The following JMJD7 variants were observed in gnomAD, a reference collection of about 807,000 sequenced individuals.
JMJD7 encodes jumonji domain containing 7.
A neutral mutation model predicts 41.1 loss-of-function variants in JMJD7; 41 were observed. That is an observed-to-expected ratio of 1.00 (90% CI 0.78 to 1.30). The LOEUF (loss-of-function observed/expected upper bound fraction) is 1.30, where lower values mean the gene tolerates loss of function less well. JMJD7 is among the 50% of genes most tolerant of loss of function. JMJD7 has a pLI of 0.00. For missense variants in JMJD7, 480 were observed against 420.7 expected, an observed-to-expected ratio of 1.14 and a Z score of -1.23; for synonymous variants, 202 against 177.2, an observed-to-expected ratio of 1.14 and a Z score of -1.11.
chr15:41,833,438 T>TTTTTTTTA (rs2065263483), intron 1 of JMJD7, among the ~76,000 whole-genome samples: 1 of 106,408 alleles, frequency 9.4e-6, no homozygotes, highest in Admixed American at 1.0e-4. Flanking sequence ...TTTTTTTTTT[T>TTTTTTTTA]GAGATAAAGT....
chr15:41,832,895 T>A (rs1285815714), intron 1 of JMJD7, among the ~76,000 whole-genome samples: 2 of 152,082 alleles, frequency 1.3e-5, no homozygotes, highest in Admixed American at 6.6e-5. Context: ...CCCTGTACAC[T>A]TTATAAAAAC....
chr15:41,833,389 A>AATATAT (rs1567164757), intron 1 of JMJD7, among the ~76,000 whole-genome samples: 11 of 103,516 alleles, frequency 1.1e-4, no homozygotes, highest in African/African-American at 3.7e-4. Flanking sequence ...ATGTAGGTGA[A>AATATAT]ATACATATAT....
intron 7 of JMJD7, 43 bp from the exon 8 acceptor site, chr15:41,837,025 C>T: frequency 6.2e-7 from 1 of 1,608,418 alleles, no homozygotes; most frequent in Non-Finnish European, 8.5e-7. Flanking sequence ...GGCTCTAGGT[C>T]AGAAGAGGGA....
chr15:41,829,340 C>G (rs28680296), intron 1 of JMJD7: 41,909 of 152,212 alleles, frequency 0.28, 6,807 homozygotes, highest in Admixed American at 0.36. Context: ...GAGACAGGGT[C>G]TTACTCTGTC....
chr15:41,835,900 G>T (rs1376592548), intron 4 of JMJD7: 4 of 564,658 alleles, frequency 7.1e-6, no homozygotes, highest in East Asian at 3.1e-5. Context: ...GCTGGGCCAG[G>T]GGGTAAGTGT....
intron 1 of JMJD7, 107 bp from the exon 2 acceptor site, chr15:41,834,633 A>G: frequency 6.7e-7 from 1 of 1,499,568 alleles, no homozygotes; most frequent in African/African-American, 1.4e-5. Flanking sequence ...ACCAACGAGC[A>G]TTTCCCAGTG....
At chr15:41,829,921 A>G (rs935708012) in intron 1 of JMJD7, among the ~76,000 whole-genome samples, 17 of 152,318 alleles carry the variant, frequency 1.1e-4, no homozygotes, top group African/African-American at 3.6e-4. Context: ...ATGTGCCTGT[A>G]GTCCCACCTC....
In JMJD7 at chr15:41,836,214, C is replaced by A. The variant is rs151103927; in HGVS notation, c.596C>A (p.Pro199Gln). 2 of 1,612,966 alleles carry A rather than the reference C, an allele frequency of 1.2e-6. No individual in the cohort carries two copies. The highest frequency in any genetic ancestry group is 2.7e-5 in the African/African-American group (2 of 75,002). Residue 199 changes from proline (P) to glutamine (Q), a missense_variant, in exon 5 of 8, where the codon CCG becomes CAG. Physicochemically the swap from Pro to Gln is moderately conservative, Grantham distance 76. Transcript: ENST00000397299. ...GGAGAGAAGCATTTCCTGTTCCATC[C>A]GCCCAGCGACCGGCCCTTCATCCCC... ...VSGEKHFLFH[P>Q]PSDRPFIPYE...
chr15:41,828,101 G>A lies in JMJD7; in HGVS notation c.-24G>A, dbSNP rs200382645. 154 of 1,427,940 alleles carry A rather than the reference G, an allele frequency of 1.1e-4. No individual in the cohort carries two copies. The African/African-American group carries it at 2.0e-3, about 19-fold the overall frequency. The allele number at this position is 1,427,940 out of a possible 1,614,324, so 88.5% of individuals were successfully genotyped here. A position where few individuals can be genotyped will look rare whatever the true frequency, so the allele number is the denominator to read the frequency against. The stretch of plus-strand genomic sequence containing the variant: ...CGGCGGGGCGTCGGGGAAAGGCGGG[G>A]TCTCGGCCGGCGCTGACGCAGCCAT... On this transcript the variant is annotated 5_prime_UTR_variant, in exon 1 of 8. Coordinates refer to ENST00000397299, the MANE Select transcript of JMJD7 (RefSeq NM_001114632.2).
chr15:41,835,446 G>T, intron 3 of JMJD7, 142 bp from the exon 4 acceptor site: 1 of 1,374,540 alleles, frequency 7.3e-7, no homozygotes, highest in South Asian at 1.4e-5. Context: ...CCTTCCCCAA[G>T]ATTTCCCAAC....
rs1270077121 is a variant in JMJD7 at position 41,834,966 on chromosome 15, C to G, written c.219-4C>G. The G allele has an allele frequency of 1.9e-6, 3 of 1,614,014 alleles. No homozygotes were observed. The highest frequency in any genetic ancestry group is 2.7e-5 in the African/African-American group (2 of 74,948). On this transcript the variant is annotated splice_region_variant and splice_polypyrimidine_tract_variant and intron_variant, in intron 2 of 7. Coordinates refer to ENST00000397299, the MANE Select transcript of JMJD7 (RefSeq NM_001114632.2). ...GGGCATGGGCTGAGTGTCCATTCCT[C>G]TAGAGCCACAGTGGGCTCCACAGAG...
chr15:41,835,338 C>G lies in JMJD7; in HGVS notation c.472+115C>G. The stretch of plus-strand genomic sequence containing the variant: ...CCTATGGGCTTGGTCCTGTCAGCAT[C>G]TGGTGCAGCTCACTAAATACATTCC... On this transcript the variant is annotated intron_variant, in intron 3 of 7. Coordinates refer to ENST00000397299, the MANE Select transcript of JMJD7 (RefSeq NM_001114632.2). 8 of 1,428,916 alleles carry G rather than the reference C, an allele frequency of 5.6e-6. No individual in the cohort carries two copies. The South Asian group carries it at 9.7e-5, about 17-fold the overall frequency. 88.5% of individuals were successfully genotyped at this position (1,428,916 alleles called of 1,614,324 possible). A position where few individuals can be genotyped will look rare whatever the true frequency, so the allele number is the denominator to read the frequency against.
At chr15:41,828,358 G>A in intron 1 of JMJD7, 170 bp downstream of exon 1, 1 of 773,814 alleles carries the variant, frequency 1.3e-6, no homozygotes, top group Non-Finnish European at 1.8e-6. Context: ...GCGCTCCCGC[G>A]GCTTCCTGGG....
rs780255827 is a variant in JMJD7 at position 41,836,369 on chromosome 15, G to T, written c.626-106G>T. 9 of 1,553,502 alleles carry T rather than the reference G, an allele frequency of 5.8e-6. No individual in the cohort carries two copies. The South Asian group carries it at 1.0e-4, about 18-fold the overall frequency. On this transcript the variant is annotated intron_variant, in intron 5 of 7. Transcript: ENST00000397299. ...GCTGTGGCATCCCCAGTGCACCAGG[G>T]CCCCTGATCCCCTTGCCCCTGCCCA...
intron 1 of JMJD7, chr15:41,832,321 A>G (rs565404315): frequency 1.1e-5 from 2 of 180,034 alleles, no homozygotes; most frequent in Admixed American, 1.2e-4. Flanking sequence ...AAACAGGCAA[A>G]GGCATCACTG....
chr15:41,830,687 C>G (rs1000880083), intron 1 of JMJD7, among the ~76,000 whole-genome samples: 1 of 152,232 alleles, frequency 6.6e-6, no homozygotes, highest in Non-Finnish European at 1.5e-5. Context: ...AGGAAGGCCC[C>G]TTCCTGCTGC....
intron 1 of JMJD7, among the ~76,000 whole-genome samples, chr15:41,834,438 A>G (rs1048176489): frequency 6.6e-6 from 1 of 152,236 alleles, no homozygotes; most frequent in East Asian, 1.9e-4. Context: ...TGGCCTCTCC[A>G]GGGTGGGAAG....
intron 1 of JMJD7, chr15:41,829,143 C>T (rs1163189085): frequency 6.6e-6 from 1 of 152,234 alleles, no homozygotes; most frequent in Non-Finnish European, 1.5e-5. Context: ...CGTGGACAAT[C>T]AACCACAGGT....
At position 41,837,215 on chromosome 15, in the gene JMJD7, G is replaced by T. The variant is rs2065337374; in HGVS notation, c.*59G>T. 4.8e-6 allele frequency: 6 copies of T among 1,246,554 alleles called. No homozygotes were observed. The South Asian group carries it at 7.6e-5, about 16-fold the overall frequency. 77.2% of individuals were successfully genotyped at this position (1,246,554 alleles called of 1,614,324 possible). A position where few individuals can be genotyped will look rare whatever the true frequency, so the allele number is the denominator to read the frequency against. ...GGGGGACGGAGCCAGCCCCTCCCTG[G>T]CCAGGTCAATTCTCGAGAGAGCCTG... On this transcript the variant is annotated 3_prime_UTR_variant, in exon 8 of 8. Transcript: ENST00000397299.
Sources: gnomAD v4.1 joint callset for allele counts (sites outside exome capture counted in the v4.1 genomes callset) on GRCh38, gnomAD v4.1.1 for gene constraint, MANE v1.5 for transcripts, NCBI Gene and HGNC (gene_info 2026-07-23, HGNC 2026-07-21) for gene names.